Variants in SAMTOR observed in about 807,000 individuals in gnomAD.
SAMTOR encodes the protein UPF0532 protein C7orf60.
the SAMTOR span, among the ~76,000 whole-genome samples, chr7:112,883,550 C>T: frequency 6.6e-6 from 1 of 152,156 alleles, no homozygotes; most frequent in Non-Finnish European, 1.5e-5. Context: ...CTATTTATAG[C>T]AAGGGTAATG....
the SAMTOR span, chr7:112,939,388 G>T: frequency 1.4e-6 from 1 of 710,402 alleles, no homozygotes; most frequent in Non-Finnish European, 2.3e-6. Context: ...TCTCCCGAAG[G>T]GCCCTCAAAG....
At chr7:112,922,991 C>T in the SAMTOR span, among the ~76,000 whole-genome samples, 1,208 of 151,414 alleles carry the variant, frequency 8.0e-3, 16 homozygotes, top group African/African-American at 0.028. Flanking sequence ...CAACAGCTCA[C>T]TGAGAACAGG....
At chr7:112,862,632 G>A in the SAMTOR span, among the ~76,000 whole-genome samples, 1 of 152,122 alleles carries the variant, frequency 6.6e-6, no homozygotes, top group Admixed American at 6.5e-5. Flanking sequence ...AATGGTTTTA[G>A]AATTCTCTAA....
chr7:112,846,704 G>T, the SAMTOR span, among the ~76,000 whole-genome samples: 1 of 152,146 alleles, frequency 6.6e-6, no homozygotes. Flanking sequence ...CTTCTAACGA[G>T]TACACCAGCA....
the SAMTOR span, among the ~76,000 whole-genome samples, chr7:112,855,912 A>T: frequency 1.3e-5 from 2 of 152,178 alleles, no homozygotes; most frequent in Non-Finnish European, 2.9e-5. Flanking sequence ...GGAGATTAAA[A>T]AAAAAAAACT....
chr7:112,921,021 C>A, the SAMTOR span, among the ~76,000 whole-genome samples: 2 of 152,052 alleles, frequency 1.3e-5, no homozygotes, highest in Non-Finnish European at 2.9e-5. Flanking sequence ...GCCATATTGC[C>A]CAAGGTAATT....
At chr7:112,898,528 G>T in the SAMTOR span, among the ~76,000 whole-genome samples, 1 of 152,210 alleles carries the variant, frequency 6.6e-6, no homozygotes, top group Non-Finnish European at 1.5e-5. Flanking sequence ...GTTCCCACAT[G>T]GCACTTCTAG....
chr7:112,903,149 T>C, the SAMTOR span, among the ~76,000 whole-genome samples: 1 of 151,956 alleles, frequency 6.6e-6, no homozygotes, highest in East Asian at 1.9e-4. Flanking sequence ...CCCCGCCTCT[T>C]CTAAAATATA....
the SAMTOR span, among the ~76,000 whole-genome samples, chr7:112,824,058 G>GTTTT: frequency 8.4e-6 from 1 of 119,192 alleles, no homozygotes; most frequent in African/African-American, 4.5e-5. Flanking sequence ...GGTTTTGAGA[G>GTTTT]TTCTTTATTC....
the SAMTOR span, among the ~76,000 whole-genome samples, chr7:112,848,633 G>C: frequency 2.0e-5 from 3 of 152,184 alleles, no homozygotes; most frequent in Non-Finnish European, 4.4e-5. Flanking sequence ...TAAAGGAGAA[G>C]ACTATTGAGG....
chr7:112,865,789 T>C, the SAMTOR span, among the ~76,000 whole-genome samples: 4 of 139,814 alleles, frequency 2.9e-5, no homozygotes, highest in Non-Finnish European at 6.1e-5. Flanking sequence ...TATTCATTCA[T>C]ATATATACTT....
At chr7:112,856,584 G>A in the SAMTOR span, among the ~76,000 whole-genome samples, 2 of 152,090 alleles carry the variant, frequency 1.3e-5, no homozygotes, top group African/African-American at 4.8e-5. Context: ...ACTGACCTCT[G>A]CATATCTTTT....
the SAMTOR span, among the ~76,000 whole-genome samples, chr7:112,848,941 C>T: frequency 5.9e-5 from 9 of 151,726 alleles, no homozygotes; most frequent in African/African-American, 2.2e-4. Flanking sequence ...CCCCGCTACT[C>T]GGGATGCTGA....
At chr7:112,893,553 GACCACTC>G in the SAMTOR span, among the ~76,000 whole-genome samples, 1 of 152,194 alleles carries the variant, frequency 6.6e-6, no homozygotes, top group East Asian at 1.9e-4. Flanking sequence ...CTTGTATCCA[GACCACTC>G]AAACTTTCTC....
the SAMTOR span, among the ~76,000 whole-genome samples, chr7:112,922,593 C>T: frequency 4.6e-5 from 7 of 151,074 alleles, no homozygotes; most frequent in Non-Finnish European, 5.9e-5. Flanking sequence ...ATGTGGGGAG[C>T]GCCTCTGCCC....
the SAMTOR span, among the ~76,000 whole-genome samples, chr7:112,827,606 T>C: frequency 6.6e-6 from 1 of 152,210 alleles, no homozygotes. Context: ...TATATTTGCA[T>C]ACACCCTATG....
chr7:112,895,635 T>G, the SAMTOR span: 1 of 1,597,630 alleles, frequency 6.3e-7, no homozygotes, highest in Non-Finnish European at 8.6e-7. Context: ...AGAAGACTCA[T>G]GCATATTTAA....
the SAMTOR span, among the ~76,000 whole-genome samples, chr7:112,865,815 C>CAT: frequency 3.4e-4 from 48 of 140,336 alleles, no homozygotes; most frequent in African/African-American, 1.1e-3. Context: ...TATATTTATT[C>CAT]ATATATATAT....
At chr7:112,827,620 AT>A in the SAMTOR span, among the ~76,000 whole-genome samples, 1 of 152,218 alleles carries the variant, frequency 6.6e-6, no homozygotes, top group Non-Finnish European at 1.5e-5. Flanking sequence ...CCCTATGCAT[AT>A]CCTCCCATAT....
Sources: allele counts gnomAD v4.1 joint callset (sites outside exome capture counted in the v4.1 genomes callset), GRCh38; gene constraint gnomAD v4.1.1; transcripts MANE v1.5; gene names NCBI Gene and HGNC (gene_info 2026-07-23, HGNC 2026-07-21).